SMC1B: variants seen among roughly 807,000 people sequenced by gnomAD.
SMC1B encodes structural maintenance of chromosomes 1B.
A neutral mutation model predicts 157.9 loss-of-function variants in SMC1B; 60 were observed. The observed-to-expected ratio is 0.38, with a 90% CI of 0.31 to 0.47. The LOEUF (loss-of-function observed/expected upper bound fraction) is 0.47. SMC1B is among the 20% of genes least tolerant of loss of function. The pLI is 0.99. For synonymous variants in SMC1B, 445 were observed against 483.0 expected, an observed-to-expected ratio of 0.92 and a Z score of 1.03; for missense variants, 1,165 against 1,426.2, an observed-to-expected ratio of 0.82 and a Z score of 2.95.
intron 21 of SMC1B, 84 bp downstream of exon 21, chr22:45,353,893 CA>C (rs3833396): frequency 0.014 from 3,504 of 245,312 alleles, 2 homozygotes; most frequent in South Asian, 0.024. Flanking sequence ...TATTTCCCAC[CA>C]AAAAAAAAAA....
At chr22:45,375,553 T>C (rs2086876357) in intron 12 of SMC1B, among the ~76,000 whole-genome samples, 1 of 152,222 alleles carries the variant, frequency 6.6e-6, no homozygotes, top group Non-Finnish European at 1.5e-5. Flanking sequence ...CTGAAATGAT[T>C]TCAGTGTTTT....
At chr22:45,363,927 C>A (rs1336628485) in intron 15 of SMC1B, among the ~76,000 whole-genome samples, 1 of 151,818 alleles carries the variant, frequency 6.6e-6, no homozygotes, top group Non-Finnish European at 1.5e-5. Flanking sequence ...CAGCTCACTG[C>A]AACCTCCGCC....
chr22:45,369,946 A>T lies in SMC1B; in HGVS notation c.2420+8T>A. 6.7e-7 allele frequency: 1 copy of T among 1,482,464 alleles called. No homozygotes were observed. The highest frequency in any genetic ancestry group is 9.3e-7 in the Non-Finnish European group (1 of 1,075,796). The allele number at this position is 1,482,464 out of a possible 1,614,324, so 91.8% of individuals were successfully genotyped here. A position where few individuals can be genotyped will look rare whatever the true frequency, so the allele number is the denominator to read the frequency against. ...AAGCTCCTTACCAACATCTTTTTAT[A>T]AAAATACCTTTTTTGATCAATTTCT... On this transcript the variant is annotated splice_region_variant and intron_variant, in intron 15 of 24. Transcript: ENST00000357450.
At chr22:45,399,475 T>A in intron 5 of SMC1B, 122 bp from the exon 6 acceptor site, 1 of 939,192 alleles carries the variant, frequency 1.1e-6, no homozygotes, top group Non-Finnish European at 1.5e-6. Context: ...TCAGAGACTG[T>A]AAGCAGATCA....
chr22:45,399,214 C>T lies in SMC1B; in HGVS notation c.994G>A (p.Asp332Asn). Residue 332 changes from aspartate to asparagine, a missense_variant, in exon 6 of 25, where the codon GAT becomes AAT. By Grantham distance (23) the Asp-to-Asn change is conservative (BLOSUM62 1). Coordinates refer to ENST00000357450, the MANE Select transcript of SMC1B (RefSeq NM_148674.5). ...AGCTCTGTCTCCAGGGCTTTTATAT[C>T]ATCTTCCTGTTTAGAACATTGTTTT... is the stretch of plus-strand genomic sequence containing the variant. ...SEKQCSKQED[D>N]IKALETELAD... 1 of 1,614,106 alleles carries T rather than the reference C, an allele frequency of 6.2e-7. No homozygotes were observed. The highest frequency in any genetic ancestry group is 8.5e-7 in the Non-Finnish European group (1 of 1,180,000).
intron 4 of SMC1B, among the ~76,000 whole-genome samples, chr22:45,404,732 T>G (rs2087238738): frequency 6.6e-6 from 1 of 152,172 alleles, no homozygotes; most frequent in Non-Finnish European, 1.5e-5. Context: ...TGAAGCAACA[T>G]ACATCTTACA....
Position 45,408,763 on chromosome 22 carries a change from AT to A in SMC1B, c.244del (p.Ile82LeufsTer31). 6.3e-7 allele frequency: 1 copy of A among 1,599,524 alleles called. No individual in the cohort carries two copies. Among genetic ancestry groups the A allele is most frequent in the Non-Finnish European group, 8.5e-7 (1 of 1,175,188 alleles). ...KPISSSASVK[I>X]IYVEESGEEK... The stretch of plus-strand genomic sequence containing the variant: ...TTCGCCACTTTCCTCCACATATATA[AT>A]TTTTACACTTGCAGAAGAAGAAATA... On this transcript the variant is annotated frameshift_variant, in exon 2 of 25. Coordinates refer to ENST00000357450, the MANE Select transcript of SMC1B (RefSeq NM_148674.5). LOFTEE classifies it high-confidence loss of function.
rs767287926 is a variant in SMC1B, at chr22:45,396,493, A to C, written c.1114-7T>G. On this transcript the variant is annotated splice_region_variant and splice_polypyrimidine_tract_variant and intron_variant, in intron 6 of 24. Transcript: ENST00000357450. ...GTTCTTTATAACGATCCAGCTGCAT[A>C]AACAGTATTGAAAAATTGCTAATTC... 1.2e-6 allele frequency: 2 copies of C among 1,602,448 alleles called. No homozygotes were observed. Among genetic ancestry groups the C allele is most frequent in the East Asian group, 2.3e-5 (1 of 44,372 alleles).
chr22:45,353,261 C>CAAAAAAAAAA (rs11311805), intron 21 of SMC1B, among the ~76,000 whole-genome samples: 1 of 102,592 alleles, frequency 9.7e-6, no homozygotes, highest in Non-Finnish European at 2.0e-5. Context: ...AACTCTGTCT[C>CAAAAAAAAAA]AAAAAAAAAA....
At chr22:45,411,311 T>C (rs2087330755) in intron 1 of SMC1B, among the ~76,000 whole-genome samples, 1 of 152,172 alleles carries the variant, frequency 6.6e-6, no homozygotes, top group Non-Finnish European at 1.5e-5. Flanking sequence ...TGAAAAACAT[T>C]ATGCTAAGTG....
In SMC1B at chr22:45,371,498, A is replaced by AATTCTTCG; in HGVS notation, c.2278_2285dup (p.Lys763GlufsTer10). On this transcript the variant is annotated frameshift_variant, in exon 14 of 25. Coordinates refer to ENST00000357450, the MANE Select transcript of SMC1B (RefSeq NM_148674.5). LOFTEE classifies it high-confidence loss of function. The stretch of plus-strand genomic sequence containing the variant: ...TATCTATCTTTTCTTGAAATTCTTT[A>AATTCTTCG]ATTCTTCGTTGTCGTTCCTTGATTC... The AATTCTTCG allele has an allele frequency of 6.3e-7, 1 of 1,598,594 alleles. No individual in the cohort carries two copies. Among genetic ancestry groups the AATTCTTCG allele is most frequent in the Non-Finnish European group, 8.5e-7 (1 of 1,174,094 alleles).
At position 45,346,746 on chromosome 22, in the gene SMC1B, G is replaced by C. The variant is rs377152780; in HGVS notation, c.3496-1177C>G. Among the ~76,000 whole-genome samples, 31 of 152,310 alleles carry C rather than the reference G, an allele frequency of 2.0e-4. No homozygotes were observed. In the East Asian group the frequency reaches 3.7e-3, roughly 18 times the overall value. The stretch of plus-strand genomic sequence containing the variant: ...CATAATAGGAAAAGAAGGGGAGATA[G>C]GATGCGAAGATGCAGGGCATGCGTT... On this transcript the variant is annotated intron_variant, in intron 23 of 24. Coordinates refer to ENST00000357450, the MANE Select transcript of SMC1B (RefSeq NM_148674.5).
At position 45,402,419 on chromosome 22, in the gene SMC1B, C is replaced by T; in HGVS notation, c.768G>A (p.Leu256=). ...NRDLSVKRES[L]SHHENIVKAR... ...CTTTAACTATGTTTTCATGATGAGA[C>T]AAAGACTCTCTTTTGACACTCAAAT... The change falls in exon 5 of 25, where the codon TTG becomes TTA. Residue 256 remains leucine (L), a synonymous_variant. Transcript: ENST00000357450. The T allele has an allele frequency of 1.2e-6, 2 of 1,613,938 alleles. No homozygotes were observed. Among genetic ancestry groups the T allele is most frequent in the Non-Finnish European group, 1.7e-6 (2 of 1,179,942 alleles).
chr22:45,384,468 G>T (rs2086970399), intron 11 of SMC1B, among the ~76,000 whole-genome samples: 1 of 152,114 alleles, frequency 6.6e-6, no homozygotes, highest in African/African-American at 2.4e-5. Context: ...GGTGGCTCAT[G>T]CCTGTAACCC....
chr22:45,345,305 A>G (rs914699383), intron 24 of SMC1B, among the ~76,000 whole-genome samples, 154 bp downstream of exon 24: 3 of 152,190 alleles, frequency 2.0e-5, no homozygotes, highest in African/African-American at 7.2e-5. Context: ...TGTCTAGGAA[A>G]GCACCAGTAG....
chr22:45,362,967 T>C lies in SMC1B; in HGVS notation c.2480A>G (p.His827Arg), dbSNP rs952823396. Residue 827 changes from histidine to arginine, a missense_variant, in exon 16 of 25, where the codon CAC (histidine) becomes CGC (arginine). His to Arg is a conservative substitution (Grantham distance 29, BLOSUM62 0). Transcript: ENST00000357450. ...GATCTTATTCAGTTTCTTCTTAAGGTGACTGCGACTATACTCAAGTTGAAC... is the reference window on the plus strand; with the variant it reads ...GATCTTATTCAGTTTCTTCTTAAGGCGACTGCGACTATACTCAAGTTGAAC... ...LNVQLEYSRS[H>R]LKKKLNKINT... 6.2e-7 allele frequency: 1 copy of C among 1,602,768 alleles called. No individual in the cohort carries two copies. The highest frequency in any genetic ancestry group is 8.5e-7 in the Non-Finnish European group (1 of 1,175,702).
Position 45,406,591 on chromosome 22 carries a change from C to T in SMC1B, c.484G>A (p.Gly162Arg). The T allele has an allele frequency of 3.1e-6, 5 of 1,613,676 alleles. No individual in the cohort carries two copies. The highest frequency in any genetic ancestry group is 4.2e-6 in the Non-Finnish European group (5 of 1,179,910). ...TCTTCATATTCTCCTATAAGCTCTC[C>T]TGAAGTGCTGATTTCCTCAAAAAAC... is the stretch of plus-strand genomic sequence containing the variant. Reference protein sequence around the residue: ...TQFFEEISTSGELIGEYEEKK... With the variant: ...TQFFEEISTSRELIGEYEEKK... The change falls in exon 4 of 25, where the codon GGA becomes AGA. Residue 162 changes from glycine to arginine, a missense_variant. Coordinates refer to ENST00000357450, the MANE Select transcript of SMC1B (RefSeq NM_148674.5).
At chr22:45,352,644 C>T in intron 21 of SMC1B, 42 bp from the exon 22 acceptor site, 1 of 1,553,542 alleles carries the variant, frequency 6.4e-7, no homozygotes, top group Non-Finnish European at 8.7e-7. Flanking sequence ...AGAAAAGCAA[C>T]TGATAAAGTT....
intron 4 of SMC1B, 65 bp downstream of exon 4, chr22:45,406,395 T>A: frequency 7.5e-7 from 1 of 1,338,212 alleles, no homozygotes. Context: ...AGCCCATACC[T>A]AGTGATTCTA....
Sources: allele counts gnomAD v4.1 joint callset (sites outside exome capture counted in the v4.1 genomes callset), GRCh38; gene constraint gnomAD v4.1.1; transcripts MANE v1.5; gene names NCBI Gene and HGNC (gene_info 2026-07-23, HGNC 2026-07-21).